The following ZNF133 variants were observed in gnomAD, a reference collection of about 807,000 sequenced individuals.
The protein encoded by ZNF133 is zinc finger protein 133 (clone pHZ-13).
A neutral mutation model predicts 54.9 loss-of-function variants in ZNF133; 26 were observed. That is an observed-to-expected ratio of 0.47 (90% confidence interval 0.35 to 0.66). The LOEUF (loss-of-function observed/expected upper bound fraction) is 0.66, where lower values mean the gene tolerates loss of function less well. Among genes scored for constraint, ZNF133 ranks in the 30% least tolerant of loss-of-function variants. The pLI is 0.01. For missense variants in ZNF133, 653 were observed against 820.8 expected (o/e 0.80, Z 2.50); for synonymous variants, 298 against 320.3 (o/e 0.93, Z 0.74).
intron 1 of ZNF133, among the ~76,000 whole-genome samples, chr20:18,292,197 C>T (rs2424149): frequency 0.036 from 5,430 of 152,220 alleles, 297 homozygotes; most frequent in African/African-American, 0.12. Context: ...GCCTATGTCC[C>T]GCTAAGGTAC....
chr20:18,296,399 A>G (rs2042247241), intron 1 of ZNF133, among the ~76,000 whole-genome samples: 1 of 152,116 alleles, frequency 6.6e-6, no homozygotes, highest in Admixed American at 6.6e-5. Flanking sequence ...ATCTCCAGAA[A>G]TATTTTCATC....
intron 6 of ZNF133, among the ~76,000 whole-genome samples, chr20:18,310,667 G>T (rs1046827914): frequency 6.6e-6 from 1 of 152,088 alleles, no homozygotes; most frequent in Non-Finnish European, 1.5e-5. Flanking sequence ...CACATAGAAA[G>T]AATAAGTTCA....
At chr20:18,309,655 C>A (rs2045420220) in intron 6 of ZNF133, among the ~76,000 whole-genome samples, 1 of 152,122 alleles carries the variant, frequency 6.6e-6, no homozygotes, top group African/African-American at 2.4e-5. Flanking sequence ...AGAGTGCTGA[C>A]AGGTATTGGT....
At chr20:18,313,815 C>G (rs2046691825) in intron 6 of ZNF133, 2 of 152,250 alleles carry the variant, frequency 1.3e-5, no homozygotes, top group African/African-American at 2.4e-5. Context: ...TGAGGGACCA[C>G]CCGGCACCTG....
chr20:18,298,490 T>A (rs75708504), intron 3 of ZNF133, 26 bp downstream of exon 3: 10,493 of 236,918 alleles, frequency 0.044, 1,187 homozygotes, highest in African/African-American at 0.23. Flanking sequence ...TTTTAGCTCT[T>A]AGTATAGTAG....
At chr20:18,291,871 T>G (rs1310853608) in intron 1 of ZNF133, among the ~76,000 whole-genome samples, 1 of 152,082 alleles carries the variant, frequency 6.6e-6, no homozygotes, top group Non-Finnish European at 1.5e-5. Context: ...GCCACCCCAC[T>G]TGGATATCTT....
intron 1 of ZNF133, chr20:18,295,502 T>C (rs754565951): frequency 1.3e-5 from 2 of 152,244 alleles, no homozygotes; most frequent in African/African-American, 2.4e-5. Flanking sequence ...AGTTAGCTAG[T>C]GTTTGTCTAC....
chr20:18,310,462 G>A (rs4813310), intron 6 of ZNF133, among the ~76,000 whole-genome samples: 151,715 of 152,354 alleles, frequency 1, 75,538 homozygotes, highest in Admixed American at 1. Context: ...TAAATGTAAC[G>A]GAATCATTTG....
intron 1 of ZNF133, among the ~76,000 whole-genome samples, chr20:18,293,846 A>T (rs1249234151): frequency 6.6e-6 from 1 of 152,232 alleles, no homozygotes; most frequent in Non-Finnish European, 1.5e-5. Flanking sequence ...TGATATAAGT[A>T]AATAACTGGA....
chr20:18,310,872 A>C (rs1428890486), intron 6 of ZNF133, among the ~76,000 whole-genome samples: 4 of 152,238 alleles, frequency 2.6e-5, no homozygotes, highest in African/African-American at 9.6e-5. Flanking sequence ...GAATATATAC[A>C]TTTTTTGTCA....
At chr20:18,298,960 A>G (rs985001157) in intron 3 of ZNF133, among the ~76,000 whole-genome samples, 24 of 152,084 alleles carry the variant, frequency 1.6e-4, no homozygotes, top group African/African-American at 4.6e-4. Flanking sequence ...AATATTAAAA[A>G]CAAAACAAAA....
At chr20:18,298,170 T>TA (rs34250688) in intron 2 of ZNF133, 108 bp downstream of exon 2, 218,592 of 1,523,548 alleles carry the variant, frequency 0.14, 16,611 homozygotes, top group East Asian at 0.19. Context: ...CAATTCCTCT[T>TA]ACTTGCTCCC....
At chr20:18,298,578 G>T in intron 3 of ZNF133, 114 bp downstream of exon 3, 1 of 153,872 alleles carries the variant, frequency 6.5e-6, no homozygotes, top group East Asian at 1.9e-4. Context: ...TGCATGGCTT[G>T]TGGGAGACAT....
intron 1 of ZNF133, among the ~76,000 whole-genome samples, chr20:18,290,874 A>G (rs994579739): frequency 2.0e-5 from 3 of 152,168 alleles, no homozygotes; most frequent in Admixed American, 6.5e-5. Flanking sequence ...CACACCTGTA[A>G]TCAGCACTTT....
At chr20:18,301,173 C>G (rs971251017) in intron 3 of ZNF133, among the ~76,000 whole-genome samples, 2 of 152,094 alleles carry the variant, frequency 1.3e-5, no homozygotes, top group Non-Finnish European at 2.9e-5. Context: ...AGAACATACT[C>G]TTAAACCAGT....
chr20:18,290,870 T>G (rs1253118988), intron 1 of ZNF133, among the ~76,000 whole-genome samples: 1 of 152,206 alleles, frequency 6.6e-6, no homozygotes, highest in Non-Finnish European at 1.5e-5. Flanking sequence ...GGCTCACACC[T>G]GTAATCAGCA....
At position 18,316,406 on chromosome 20, in the gene ZNF133, G is replaced by C. The variant is rs772611790; in HGVS notation, c.1555G>C (p.Glu519Gln). 2 of 1,614,080 alleles carry C rather than the reference G, an allele frequency of 1.2e-6. No homozygotes were observed. The highest frequency in any genetic ancestry group is 1.7e-6 in the Non-Finnish European group (2 of 1,179,978). Residue 519 changes from glutamate (E) to glutamine (Q), a missense_variant, in exon 7 of 7, where the codon GAG becomes CAG. Glu to Gln is a conservative substitution (Grantham distance 29). Coordinates refer to ENST00000425686, the MANE Select transcript of ZNF133 (RefSeq NM_001352452.2). ...TGCACACCAGAGGACGCACTCAGGG[G>C]AGAGGCCGTATGTGTGCCGAGAGTG... ...LVAHQRTHSG[E>Q]RPYVCRECGR...
At chr20:18,312,238 T>C (rs753649807) in intron 6 of ZNF133, among the ~76,000 whole-genome samples, 1 of 152,254 alleles carries the variant, frequency 6.6e-6, no homozygotes, top group Non-Finnish European at 1.5e-5. Flanking sequence ...TGTGGAATTT[T>C]CTACTTGTGG....
chr20:18,310,280 T>A, intron 6 of ZNF133: 3 of 1,533,662 alleles, frequency 2.0e-6, no homozygotes, highest in South Asian at 1.2e-5. Context: ...CCAAAATATA[T>A]GTGTAACGGG....
Sources: gnomAD v4.1 joint callset for allele counts (sites outside exome capture counted in the v4.1 genomes callset) on GRCh38, gnomAD v4.1.1 for gene constraint, MANE v1.5 for transcripts, NCBI Gene and HGNC (gene_info 2026-07-23, HGNC 2026-07-21) for gene names.